The following SLC17A6 variants were observed in gnomAD, a reference collection of about 807,000 sequenced individuals.
SLC17A6 encodes solute carrier family 17 member 6.
SLC17A6 carries 35 observed loss-of-function variants against 67.1 expected under a neutral mutation model. That is an observed-to-expected ratio of 0.52 (90% CI 0.40 to 0.69). The LOEUF (loss-of-function observed/expected upper bound fraction) is 0.69. Among genes scored for constraint, SLC17A6 ranks in the 30% least tolerant of loss-of-function variants. The pLI is 0.00. For synonymous variants in SLC17A6, 285 were observed against 252.3 expected (o/e 1.13, Z -1.23); for missense variants, 588 against 723.9 (o/e 0.81, Z 2.15).
intron 2 of SLC17A6, 144 bp from the exon 3 acceptor site, chr11:22,343,103 G>A: frequency 1.3e-6 from 1 of 744,258 alleles, no homozygotes; most frequent in Admixed American, 2.2e-5. Flanking sequence ...ATTTTGTTAG[G>A]AAACGAAAAT....
chr11:22,354,177 G>C (rs7927555), intron 3 of SLC17A6, among the ~76,000 whole-genome samples: 4 of 151,562 alleles, frequency 2.6e-5, no homozygotes, highest in African/African-American at 9.7e-5. Context: ...TCTGCCTCCC[G>C]GGTTCAAGTG....
chr11:22,352,501 A>G (rs1407968420), intron 3 of SLC17A6, among the ~76,000 whole-genome samples: 1 of 152,234 alleles, frequency 6.6e-6, no homozygotes, highest in Non-Finnish European at 1.5e-5. Context: ...CAGAAGAGGA[A>G]GTTATAATTA....
At chr11:22,372,608 G>T (rs1856186426) in intron 8 of SLC17A6, among the ~76,000 whole-genome samples, 1 of 152,012 alleles carries the variant, frequency 6.6e-6, no homozygotes, top group African/African-American at 2.4e-5. Context: ...GTGCTTTGCT[G>T]CTATTTCTGA....
At chr11:22,341,367 G>A (rs1169441729) in intron 1 of SLC17A6, among the ~76,000 whole-genome samples, 161 bp from the exon 2 acceptor site, 2 of 152,146 alleles carry the variant, frequency 1.3e-5, no homozygotes, top group African/African-American at 4.8e-5. Flanking sequence ...AGCCTGGGAG[G>A]TCTTGCAGCT....
rs762035320 is a variant in SLC17A6 at position 22,338,493 on chromosome 11, C to T, written c.-41C>T. 2.3e-5 allele frequency: 32 copies of T among 1,390,932 alleles called. No individual in the cohort carries two copies. The African/African-American group carries it at 4.3e-4, about 19-fold the overall frequency. 86.2% of individuals were successfully genotyped at this position (1,390,932 alleles called of 1,614,324 possible). On this transcript the variant is annotated 5_prime_UTR_variant, in exon 1 of 12. Coordinates refer to ENST00000263160, the MANE Select transcript of SLC17A6 (RefSeq NM_020346.3). Reference sequence around the variant, plus strand: ...CAATCCTCGCCTTTCCTAGCAATCACTATTTAAATCTGGCAAGAACTGACA... The same window carrying T: ...CAATCCTCGCCTTTCCTAGCAATCATTATTTAAATCTGGCAAGAACTGACA...
intron 3 of SLC17A6, among the ~76,000 whole-genome samples, chr11:22,353,626 A>C (rs2133865522): frequency 6.6e-6 from 1 of 152,376 alleles, no homozygotes; most frequent in East Asian, 1.9e-4. Context: ...TTGGTCAATA[A>C]GAATGGTCAA....
In SLC17A6 at chr11:22,342,586, C is replaced by T. The variant is rs115348741; in HGVS notation, c.340-661C>T. Among the ~76,000 whole-genome samples, 1,161 of 152,270 alleles carry T rather than the reference C, an allele frequency of 7.6e-3. 19 individuals carry two copies. Among genetic ancestry groups the T allele is most frequent in the African/African-American group, 0.027 (1,114 of 41,552 alleles). ...TACCTTGAGGTTCCCCTCGGGGAGT[C>T]ACCCAGGCTGCTCAGGGCGGAATTA... On this transcript the variant is annotated intron_variant, in intron 2 of 11. Transcript: ENST00000263160.
At chr11:22,353,276 G>C (rs549586140) in intron 3 of SLC17A6, among the ~76,000 whole-genome samples, 2 of 152,152 alleles carry the variant, frequency 1.3e-5, no homozygotes, top group Non-Finnish European at 2.9e-5. Flanking sequence ...GAGAATTTAA[G>C]TTATGACAAC....
At chr11:22,346,501 C>T (rs920293600) in intron 3 of SLC17A6, among the ~76,000 whole-genome samples, 1 of 152,046 alleles carries the variant, frequency 6.6e-6, no homozygotes, top group African/African-American at 2.4e-5. Flanking sequence ...TCACTTTTTC[C>T]TTTGTCTTCC....
intron 6 of SLC17A6, among the ~76,000 whole-genome samples, chr11:22,363,781 T>TC (rs976358873): frequency 1.3e-5 from 2 of 149,798 alleles, no homozygotes; most frequent in Admixed American, 6.6e-5. Context: ...TCGTGAACAT[T>TC]TTTTTTTTCT....
In SLC17A6 at chr11:22,341,711, C is replaced by T. The variant is rs368283782; in HGVS notation, c.270C>T (p.Asn90=). The change falls in exon 2 of 12, where the codon AAC becomes AAT. Residue 90 remains asparagine, a synonymous_variant. Coordinates refer to ENST00000263160, the MANE Select transcript of SLC17A6 (RefSeq NM_020346.3). The part of the protein sequence containing the change: ...GFCISFGIRC[N]LGVAIVDMVN... ...GCATCTCCTTCGGTATCCGCTGCAA[C>T]CTGGGCGTGGCCATTGTGGACATGG... 3.1e-6 allele frequency: 5 copies of T among 1,614,244 alleles called. No homozygotes were observed. The highest frequency in any genetic ancestry group is 4.2e-6 in the Non-Finnish European group (5 of 1,180,048).
At chr11:22,356,876 T>C (rs558418222) in intron 3 of SLC17A6, among the ~76,000 whole-genome samples, 1 of 152,314 alleles carries the variant, frequency 6.6e-6, no homozygotes, top group East Asian at 1.9e-4. Context: ...AATTATGCCA[T>C]GATATTGTAT....
intron 1 of SLC17A6, among the ~76,000 whole-genome samples, chr11:22,340,821 C>A (rs988663395): frequency 3.9e-5 from 6 of 151,960 alleles, no homozygotes; most frequent in Admixed American, 2.0e-4. Flanking sequence ...AGCCCTGGGG[C>A]GGGATGAAGG....
intron 3 of SLC17A6, among the ~76,000 whole-genome samples, chr11:22,350,192 C>A (rs919106311): frequency 6.6e-6 from 1 of 152,158 alleles, no homozygotes; most frequent in Non-Finnish European, 1.5e-5. Flanking sequence ...TACAGGTTTT[C>A]AGCAGCTGCA....
chr11:22,365,987 T>C (rs1176127228), intron 7 of SLC17A6, among the ~76,000 whole-genome samples: 1 of 152,026 alleles, frequency 6.6e-6, no homozygotes, highest in Non-Finnish European at 1.5e-5. Flanking sequence ...TTTAAACAAA[T>C]ACAATAAATA....
intron 11 of SLC17A6, among the ~76,000 whole-genome samples, chr11:22,377,079 G>T (rs60449970): frequency 0.011 from 1,714 of 151,592 alleles, 35 homozygotes; most frequent in African/African-American, 0.04. Context: ...TTAAAATTCT[G>T]GTTTACTACA....
At position 22,343,340 on chromosome 11, in the gene SLC17A6, A is replaced by G; in HGVS notation, c.433A>G (p.Ile145Val). The G allele has an allele frequency of 1.2e-6, 2 of 1,611,768 alleles. No homozygotes were observed. Among genetic ancestry groups the G allele is most frequent in the Non-Finnish European group, 1.7e-6 (2 of 1,179,366 alleles). ...YIITQIPGGY[I>V]ASRLAANRVF... Reference sequence around the variant, plus strand: ...CATCACTCAGATTCCGGGAGGCTACATCGCGTCTCGGCTGGCAGCCAACAG... The same window carrying G: ...CATCACTCAGATTCCGGGAGGCTACGTCGCGTCTCGGCTGGCAGCCAACAG... Residue 145 changes from isoleucine to valine, a missense_variant, in exon 3 of 12, where the codon ATC (isoleucine) becomes GTC (valine). Ile to Val is a conservative substitution (Grantham distance 29). Coordinates refer to ENST00000263160, the MANE Select transcript of SLC17A6 (RefSeq NM_020346.3).
At chr11:22,369,947 T>C (rs939547216) in intron 7 of SLC17A6, 92 bp from the exon 8 acceptor site, 87 of 1,242,062 alleles carry the variant, frequency 7.0e-5, no homozygotes, top group Non-Finnish European at 8.6e-5. Flanking sequence ...TGACCTGTCA[T>C]ATACATCCTG....
intron 5 of SLC17A6, among the ~76,000 whole-genome samples, chr11:22,361,912 G>A (rs566825304): frequency 6.6e-6 from 1 of 152,250 alleles, no homozygotes; most frequent in East Asian, 1.9e-4. Flanking sequence ...TGATTTTGCT[G>A]TATACTTAAG....
Sources: gnomAD v4.1 joint callset for allele counts (sites outside exome capture counted in the v4.1 genomes callset) on GRCh38, gnomAD v4.1.1 for gene constraint, MANE v1.5 for transcripts, NCBI Gene and HGNC (gene_info 2026-07-23, HGNC 2026-07-21) for gene names.